The following PID1 variants were observed in gnomAD, a reference collection of about 807,000 sequenced individuals.
PID1 encodes the protein PTB-containing, cubilin and LRP1-interacting protein.
Under a neutral mutation model 19.1 loss-of-function variants are expected in PID1, and 10 were observed. That is an observed-to-expected ratio of 0.52 (90% CI 0.32 to 0.89). The LOEUF (loss-of-function observed/expected upper bound fraction) is 0.89. Among genes scored for constraint, PID1 ranks in the 40% least tolerant of loss-of-function variants. The pLI, the probability that PID1 is intolerant of heterozygous loss-of-function variation, is 0.03. For synonymous variants in PID1, 130 were observed against 116.0 expected, an observed-to-expected ratio of 1.12 and a Z score of -0.78; for missense variants, 248 against 285.3, an observed-to-expected ratio of 0.87 and a Z score of 0.94.
chr2:229,125,039 A>G (rs2106161660), intron 2 of PID1, among the ~76,000 whole-genome samples: 1 of 152,300 alleles, frequency 6.6e-6, no homozygotes, highest in South Asian at 2.1e-4. Flanking sequence ...ACTATTTACC[A>G]ATATCGAGGT....
intron 2 of PID1, among the ~76,000 whole-genome samples, chr2:229,039,056 T>C: frequency 6.6e-6 from 1 of 152,228 alleles, no homozygotes; most frequent in Non-Finnish European, 1.5e-5. Context: ...AACGCCACTG[T>C]ATACAGTATT....
At chr2:229,268,996 C>A (rs1185352103) in intron 1 of PID1, among the ~76,000 whole-genome samples, 1 of 150,732 alleles carries the variant, frequency 6.6e-6, no homozygotes, top group African/African-American at 2.4e-5. Flanking sequence ...TCAAGCAATA[C>A]TCTTTGGGAA....
chr2:229,112,639 C>G (rs1045030431), intron 2 of PID1, among the ~76,000 whole-genome samples: 1 of 152,114 alleles, frequency 6.6e-6, no homozygotes, highest in Non-Finnish European at 1.5e-5. Flanking sequence ...GTGCCTGCCA[C>G]CAGGCCTGGC....
chr2:229,206,829 C>A (rs1691619408), intron 1 of PID1, among the ~76,000 whole-genome samples: 1 of 152,190 alleles, frequency 6.6e-6, no homozygotes, highest in Non-Finnish European at 1.5e-5. Context: ...TGTCTTCCAA[C>A]AGCTGTTGGG....
intron 2 of PID1, among the ~76,000 whole-genome samples, chr2:229,114,445 C>T (rs546903559): frequency 2.6e-4 from 39 of 152,180 alleles, no homozygotes; most frequent in Non-Finnish European, 5.1e-4. Flanking sequence ...AGAGATTATG[C>T]CCTGTAATAC....
At chr2:229,069,416 G>A (rs1694407192) in intron 2 of PID1, among the ~76,000 whole-genome samples, 3 of 152,164 alleles carry the variant, frequency 2.0e-5, no homozygotes, top group African/African-American at 7.2e-5. Context: ...CTGGAGATGA[G>A]TCACAGGGCC....
intron 1 of PID1, among the ~76,000 whole-genome samples, chr2:229,204,872 A>C (rs577614836): frequency 6.6e-6 from 1 of 152,264 alleles, no homozygotes; most frequent in Admixed American, 6.5e-5. Context: ...CAGGAGCCTA[A>C]TGCTACTATT....
At chr2:229,261,271 C>A (rs1204651380) in intron 1 of PID1, among the ~76,000 whole-genome samples, 1 of 152,168 alleles carries the variant, frequency 6.6e-6, no homozygotes, top group African/African-American at 2.4e-5. Context: ...CCAGTACCAC[C>A]CGGTTTGTGG....
At position 229,086,734 on chromosome 2, in the gene PID1, T is replaced by C. The variant is rs577096501; in HGVS notation, c.178-60626A>G. Reference sequence around the variant, plus strand: ...CATAAGCTAAATATGTCAATTAAAGTCTCCTGGCATGAGTGGTAAGACAGA... The same window carrying C: ...CATAAGCTAAATATGTCAATTAAAGCCTCCTGGCATGAGTGGTAAGACAGA... On this transcript the variant is annotated intron_variant, in intron 2 of 2. Coordinates refer to ENST00000392055, the MANE Select transcript of PID1 (RefSeq NM_001100818.2). Among the ~76,000 whole-genome samples, 99 of 152,234 alleles carry C rather than the reference T, an allele frequency of 6.5e-4. 1 individual carries two copies. The highest frequency in any genetic ancestry group is 1.1e-3 in the Non-Finnish European group (77 of 68,008).
intron 1 of PID1, among the ~76,000 whole-genome samples, chr2:229,179,755 G>A (rs1039475876): frequency 6.6e-6 from 1 of 152,198 alleles, no homozygotes; most frequent in Non-Finnish European, 1.5e-5. Flanking sequence ...CTAGCTGTTT[G>A]AGAACACAGT....
intron 2 of PID1, among the ~76,000 whole-genome samples, chr2:229,052,865 AG>A (rs1258681708): frequency 2.0e-5 from 3 of 152,210 alleles, no homozygotes; most frequent in African/African-American, 7.2e-5. Flanking sequence ...TTTTACTTTG[AG>A]TCATTTGAAA....
intron 2 of PID1, among the ~76,000 whole-genome samples, chr2:229,130,802 A>G (rs1689722702): frequency 6.6e-6 from 1 of 152,218 alleles, no homozygotes; most frequent in Admixed American, 6.5e-5. Flanking sequence ...TGGGTCTGCC[A>G]GAAATGAAGT....
intron 1 of PID1, among the ~76,000 whole-genome samples, chr2:229,167,163 T>C (rs1690615780): frequency 1.3e-5 from 2 of 152,160 alleles, no homozygotes; most frequent in African/African-American, 4.8e-5. Context: ...AAAGTTACCA[T>C]ATTGCAAACA....
intron 1 of PID1, among the ~76,000 whole-genome samples, chr2:229,200,317 C>T (rs959385602): frequency 2.5e-4 from 38 of 152,012 alleles, no homozygotes; most frequent in African/African-American, 9.2e-4. Context: ...TGAATGTATA[C>T]AGAGAATTGC....
At chr2:229,150,298 C>T (rs1294125224) in intron 2 of PID1, among the ~76,000 whole-genome samples, 1 of 151,414 alleles carries the variant, frequency 6.6e-6, no homozygotes, top group Non-Finnish European at 1.5e-5. Flanking sequence ...AGAGGTCATG[C>T]TAAATTAGCC....
In PID1 at chr2:229,183,947, A is replaced by G. The variant is rs1471034520; in HGVS notation, c.31-27983T>C. Reference sequence around the variant, plus strand: ...TATCCCCTATATATATCCCCTATATATATCCCCTATATATATCCCATATAT... The same window carrying G: ...TATCCCCTATATATATCCCCTATATGTATCCCCTATATATATCCCATATAT... On this transcript the variant is annotated intron_variant, in intron 1 of 2. Transcript: ENST00000392055. 1.6e-5 allele frequency among the ~76,000 whole-genome samples: 2 copies of G among 124,486 alleles called. 1 individual carries two copies. Among genetic ancestry groups the G allele is most frequent in the African/African-American group, 6.4e-5 (2 of 31,262 alleles). The allele number at this position is 124,486 out of a possible 152,430, so 81.7% of individuals were successfully genotyped here.
chr2:229,150,409 T>A (rs1462541434), intron 2 of PID1, among the ~76,000 whole-genome samples: 1 of 151,974 alleles, frequency 6.6e-6, no homozygotes, highest in Non-Finnish European at 1.5e-5. Context: ...CCACCAGCCA[T>A]ACGAAAAGGA....
At chr2:229,156,584 T>C (rs1413657221) in intron 1 of PID1, among the ~76,000 whole-genome samples, 3 of 152,172 alleles carry the variant, frequency 2.0e-5, no homozygotes, top group African/African-American at 7.2e-5. Flanking sequence ...CTGCTATCCA[T>C]ACCACCCAGT....
intron 1 of PID1, among the ~76,000 whole-genome samples, chr2:229,185,414 T>G (rs772923906): frequency 2.6e-5 from 4 of 152,144 alleles, no homozygotes; most frequent in Non-Finnish European, 5.9e-5. Context: ...CCAGCAAGTC[T>G]TTCCCCCTGT....
Sources: allele counts gnomAD v4.1 joint callset (sites outside exome capture counted in the v4.1 genomes callset), GRCh38; gene constraint gnomAD v4.1.1; transcripts MANE v1.5; gene names NCBI Gene and HGNC (gene_info 2026-07-23, HGNC 2026-07-21).